Variants in XYLT1 observed in about 807,000 individuals in gnomAD.
XYLT1 encodes the protein xylosyltransferase 1, also known as beta-D-xylosyltransferase 1.
In XYLT1, 36 loss-of-function variants were observed where a neutral mutation model predicts 91.3. The ratio of observed to expected loss-of-function variants is 0.39; its 90% CI spans 0.30 to 0.52. XYLT1 has a LOEUF of 0.52. Ranked by LOEUF, XYLT1 falls within the 20% of genes least tolerant of loss-of-function variation. The pLI, the probability that XYLT1 is intolerant of heterozygous loss-of-function variation, is 0.68. For missense variants in XYLT1, 1,242 were observed against 1,284.5 expected, an observed-to-expected ratio of 0.97 and a Z score of 0.51; for synonymous variants, 588 against 532.0, an observed-to-expected ratio of 1.11 and a Z score of -1.45.
At chr16:17,446,217 C>A (rs2036589462) in intron 1 of XYLT1, 1 of 152,180 alleles carries the variant, frequency 6.6e-6, no homozygotes, top group African/African-American at 2.4e-5. Flanking sequence ...GGGAGAAATC[C>A]AGCCTCTGTG....
chr16:17,456,931 G>A (rs1431369552), intron 1 of XYLT1, among the ~76,000 whole-genome samples: 1 of 152,202 alleles, frequency 6.6e-6, no homozygotes, highest in Non-Finnish European at 1.5e-5. Flanking sequence ...CTGCCACGTA[G>A]TGACATCTAA....
In XYLT1 at chr16:17,167,063, A is replaced by T. The variant is rs77541242; in HGVS notation, c.1290-8154T>A. ...AGGAGGTACTCATTTGCGGATGAAT[A>T]AACTAGGACTGGAAGAGCCTTCACA... On this transcript the variant is annotated intron_variant, in intron 5 of 11. Transcript: ENST00000261381. Among the ~76,000 whole-genome samples, 107 of 152,350 alleles carry T rather than the reference A, an allele frequency of 7.0e-4. 3 individuals carry two copies. The East Asian group carries it at 0.019, about 27-fold the overall frequency.
chr16:17,393,350 C>G (rs2035843820), intron 1 of XYLT1, among the ~76,000 whole-genome samples: 2 of 152,178 alleles, frequency 1.3e-5, no homozygotes, highest in East Asian at 3.9e-4. Flanking sequence ...AATTCTGTTA[C>G]ATGGATAAAC....
chr16:17,158,538 G>A (rs62030849), intron 6 of XYLT1, among the ~76,000 whole-genome samples: 3,904 of 152,300 alleles, frequency 0.026, 76 homozygotes, highest in Non-Finnish European at 0.038. Flanking sequence ...TTAACCGTGG[G>A]TGCCCTACTG....
chr16:17,319,957 C>G (rs796401047), intron 2 of XYLT1, among the ~76,000 whole-genome samples: 21 of 152,276 alleles, frequency 1.4e-4, no homozygotes, highest in African/African-American at 5.1e-4. Flanking sequence ...ATGCTAAGCG[C>G]CAGGCAGTTC....
chr16:17,228,508 G>T (rs2033106491), intron 3 of XYLT1, among the ~76,000 whole-genome samples: 1 of 152,120 alleles, frequency 6.6e-6, no homozygotes, highest in African/African-American at 2.4e-5. Context: ...GGGAGGAGGT[G>T]ACTGCTGTTG....
At chr16:17,141,059 C>T (rs1161565870) in intron 7 of XYLT1, 94 bp downstream of exon 7, 15 of 1,275,172 alleles carry the variant, frequency 1.2e-5, no homozygotes, top group Non-Finnish European at 1.6e-5. Context: ...GTAGGTGGAC[C>T]CAGAATCTCT....
chr16:17,169,576 C>T (rs1333990597), intron 5 of XYLT1, among the ~76,000 whole-genome samples: 1 of 143,154 alleles, frequency 7.0e-6, no homozygotes, highest in Admixed American at 7.5e-5. Context: ...AGGTAACTGA[C>T]AACAATCAGC....
At chr16:17,144,335 A>G (rs2031075634) in intron 6 of XYLT1, among the ~76,000 whole-genome samples, 2 of 152,256 alleles carry the variant, frequency 1.3e-5, no homozygotes, top group Non-Finnish European at 2.9e-5. Context: ...GACAGGAAAC[A>G]CTATAAACGA....
At chr16:17,258,305 GAGAA>G (rs1412801672) in intron 3 of XYLT1, among the ~76,000 whole-genome samples, 2 of 149,212 alleles carry the variant, frequency 1.3e-5, no homozygotes, top group Non-Finnish European at 3.0e-5. Context: ...GGAAAGGAGA[GAGAA>G]AGAAAATTAA....
intron 11 of XYLT1, among the ~76,000 whole-genome samples, chr16:17,115,312 TAAAAAAAAAAAA>T (rs869095502): frequency 2.5e-4 from 12 of 48,844 alleles, no homozygotes; most frequent in Admixed American, 8.1e-4. Flanking sequence ...CAAAAATAGT[TAAAAAAAAAAAA>T]AAAAAAAAAA....
At chr16:17,145,221 C>T (rs1275780769) in intron 6 of XYLT1, among the ~76,000 whole-genome samples, 1 of 152,242 alleles carries the variant, frequency 6.6e-6, no homozygotes. Context: ...TTTTTGCCTG[C>T]TCAGCATCCA....
At chr16:17,222,011 T>C (rs1006319562) in intron 3 of XYLT1, among the ~76,000 whole-genome samples, 5 of 152,084 alleles carry the variant, frequency 3.3e-5, no homozygotes, top group Non-Finnish European at 4.4e-5. Context: ...TTAGCACCCT[T>C]CTCTTGCAGT....
At chr16:17,246,813 G>A (rs1315998687) in intron 3 of XYLT1, among the ~76,000 whole-genome samples, 3 of 152,132 alleles carry the variant, frequency 2.0e-5, no homozygotes, top group Non-Finnish European at 2.9e-5. Context: ...CTCACCTAAG[G>A]GTCCCCAACA....
intron 2 of XYLT1, among the ~76,000 whole-genome samples, chr16:17,299,428 C>G (rs2034361586): frequency 6.6e-6 from 1 of 152,244 alleles, no homozygotes; most frequent in South Asian, 2.1e-4. Flanking sequence ...TTAACCCGCT[C>G]TTCCTCAAGG....
chr16:17,360,210 A>C (rs2141864743), intron 1 of XYLT1, among the ~76,000 whole-genome samples: 1 of 152,366 alleles, frequency 6.6e-6, no homozygotes, highest in Non-Finnish European at 1.5e-5. Context: ...TGTACTTCAC[A>C]GACCATTTGG....
intron 1 of XYLT1, among the ~76,000 whole-genome samples, chr16:17,360,024 C>T (rs1348415461): frequency 1.3e-5 from 2 of 152,178 alleles, no homozygotes; most frequent in African/African-American, 4.8e-5. Context: ...GCAACATCTG[C>T]TGTTCAGGTC....
intron 2 of XYLT1, among the ~76,000 whole-genome samples, chr16:17,261,110 T>C (rs531014132): frequency 2.0e-5 from 3 of 152,096 alleles, no homozygotes; most frequent in African/African-American, 7.2e-5. Flanking sequence ...GGGGTGGTGG[T>C]GCACACCTGT....
At chr16:17,255,067 G>A (rs2033610306) in intron 3 of XYLT1, among the ~76,000 whole-genome samples, 1 of 144,210 alleles carries the variant, frequency 6.9e-6, no homozygotes, top group Admixed American at 7.4e-5. Flanking sequence ...CATGATCTCA[G>A]CTCACTGCAA....
Sources: gnomAD v4.1 joint callset for allele counts (sites outside exome capture counted in the v4.1 genomes callset) on GRCh38, gnomAD v4.1.1 for gene constraint, MANE v1.5 for transcripts, NCBI Gene and HGNC (gene_info 2026-07-23, HGNC 2026-07-21) for gene names.